Variants in ZNF571 observed in about 807,000 individuals in gnomAD.
ZNF571 encodes zinc finger protein 571.
Under a neutral mutation model 7.7 loss-of-function variants are expected in ZNF571, and 4 were observed. The ratio of observed to expected loss-of-function variants is 0.52; its 90% CI spans 0.25 to 1.18. The LOEUF (loss-of-function observed/expected upper bound fraction) is 1.18. Among genes scored for constraint, ZNF571 ranks in the 50% most tolerant of loss-of-function variants. The pLI is 0.14. For missense variants in ZNF571, 704 were observed against 726.9 expected, an observed-to-expected ratio of 0.97 and a Z score of 0.36; for synonymous variants, 251 against 232.4, an observed-to-expected ratio of 1.08 and a Z score of -0.73.
intron 1 of ZNF571, among the ~76,000 whole-genome samples, chr19:37,592,340 C>T (rs774302043): frequency 6.6e-6 from 1 of 152,258 alleles, no homozygotes. Context: ...AAATTTTTCA[C>T]GGTCATATCC....
intron 3 of ZNF571, among the ~76,000 whole-genome samples, chr19:37,580,928 C>T (rs138305935): frequency 1.3e-5 from 2 of 152,324 alleles, no homozygotes; most frequent in East Asian, 3.9e-4. Context: ...TGAACTAAGA[C>T]ACCTATTACA....
rs374894162 is a variant in ZNF571 at position 37,565,412 on chromosome 19, T to C, written c.1016A>G (p.Glu339Gly). ...HTGEKPYICK[E>G]CGKAFLCASQ... is the part of the protein sequence containing the mutation. Reference sequence around the variant, plus strand: ...GGCACATAAAAAGGCTTTCCCACATTCTTTACATATGTAAGGCTTTTCACC... The same window carrying C: ...GGCACATAAAAAGGCTTTCCCACATCCTTTACATATGTAAGGCTTTTCACC... Residue 339 changes from glutamate (E) to glycine (G), a missense_variant, in exon 4 of 4, where the codon GAA becomes GGA. Physicochemically the swap from Glu to Gly is moderately conservative, Grantham distance 98. Coordinates refer to ENST00000451802, the MANE Select transcript of ZNF571 (RefSeq NM_016536.5). 82 of 1,613,382 alleles carry C rather than the reference T, an allele frequency of 5.1e-5. No homozygotes were observed. Among genetic ancestry groups the C allele is most frequent in the Non-Finnish European group, 7.0e-5 (82 of 1,179,810 alleles).
intron 3 of ZNF571, among the ~76,000 whole-genome samples, chr19:37,573,630 C>G (rs1455798858): frequency 6.8e-6 from 1 of 147,962 alleles, no homozygotes; most frequent in Non-Finnish European, 1.5e-5. Context: ...AGTGCAAGAC[C>G]AGCCTGGGCA....
At chr19:37,585,088 T>C (rs1361307641) in intron 2 of ZNF571, 1 of 152,202 alleles carries the variant, frequency 6.6e-6, no homozygotes, top group Non-Finnish European at 1.5e-5. Context: ...TCCTAGGCTA[T>C]AGCAAGGTAC....
rs2042838740 is a variant in ZNF571 at position 37,565,868 on chromosome 19, C to G, written c.560G>C (p.Arg187Thr). 6.2e-7 allele frequency: 1 copy of G among 1,613,894 alleles called. No individual in the cohort carries two copies. Among genetic ancestry groups the G allele is most frequent in the East Asian group, 2.2e-5 (1 of 44,868 alleles). The stretch of plus-strand genomic sequence containing the variant: ...ATAAGGTTTCTCACCAGTCTGAATT[C>G]TCTGATGTTGAATATAGCTTGGCTT... The part of the protein sequence containing the change: ...SKKPSYIQHQ[R>T]IQTGEKPYEC... Residue 187 changes from arginine (R) to threonine (T), a missense_variant, in exon 4 of 4, where the codon AGA (arginine) becomes ACA (threonine). Physicochemically the swap from Arg to Thr is moderately conservative, Grantham distance 71. Transcript: ENST00000451802.
chr19:37,565,636 T>C lies in ZNF571; in HGVS notation c.792A>G (p.Ser264=), dbSNP rs77449431. 1.5e-3 allele frequency: 2,476 copies of C among 1,613,316 alleles called. 30 individuals are homozygous for C. In the African/African-American group the frequency reaches 0.028, roughly 18 times the overall value. ...KKCGKAFSYC[S]QYTLHQRIHS... is the part of the protein sequence containing the mutation. ...GAATTCTCTGATGAAGAGTATATTG[T>C]GAACAATAACTAAAGGCTTTTCCAC... The change falls in exon 4 of 4, where the codon TCA becomes TCG. Residue 264 remains serine (S), a synonymous_variant. Transcript: ENST00000451802.
At chr19:37,575,817 C>T (rs1230104609) in intron 3 of ZNF571, 1 of 152,142 alleles carries the variant, frequency 6.6e-6, no homozygotes, top group Non-Finnish European at 1.5e-5. Flanking sequence ...TGTAGCTGAG[C>T]TGAAATTGAA....
intron 3 of ZNF571, among the ~76,000 whole-genome samples, chr19:37,581,605 C>T (rs2043468345): frequency 6.6e-6 from 1 of 151,856 alleles, no homozygotes; most frequent in East Asian, 1.9e-4. Flanking sequence ...GCTAGGACCA[C>T]AGGCATGTGA....
rs1280476137 is a variant in ZNF571, at chr19:37,588,044, G to GCA, written c.-69-1300_-69-1299insTG. ...GTACGCGGGAGGTGGAGGTTGCAGT[G>GCA]ACCCAAGATTGCGCCACTGCACTCC... On this transcript the variant is annotated intron_variant, in intron 1 of 3. Transcript: ENST00000451802. 2.7e-4 allele frequency among the ~76,000 whole-genome samples: 33 copies of GCA among 124,284 alleles called. 1 individual carries two copies. The highest frequency in any genetic ancestry group is 7.2e-3 in the Middle Eastern group (1 of 138). The allele number at this position is 124,284 out of a possible 152,430, so 81.5% of individuals were successfully genotyped here. A position where few individuals can be genotyped will look rare whatever the true frequency, so the allele number is the denominator to read the frequency against.
At chr19:37,581,283 T>C (rs546882698) in intron 3 of ZNF571, among the ~76,000 whole-genome samples, 2 of 152,274 alleles carry the variant, frequency 1.3e-5, no homozygotes, top group African/African-American at 4.8e-5. Context: ...TTAATAATGA[T>C]TAGCACAACT....
At chr19:37,577,753 A>G (rs765700509) in intron 3 of ZNF571, among the ~76,000 whole-genome samples, 4 of 152,214 alleles carry the variant, frequency 2.6e-5, no homozygotes, top group Non-Finnish European at 4.4e-5. Context: ...GTAAATTTAA[A>G]TGTAACTCTA....
At chr19:37,593,816 C>A (rs188071175) in intron 1 of ZNF571, among the ~76,000 whole-genome samples, 10 of 152,160 alleles carry the variant, frequency 6.6e-5, no homozygotes, top group Admixed American at 6.5e-4. Context: ...ATGATCCCAT[C>A]CCCGCAGCAT....
At chr19:37,577,774 CAA>C (rs1447262871) in intron 3 of ZNF571, among the ~76,000 whole-genome samples, 1 of 152,190 alleles carries the variant, frequency 6.6e-6, no homozygotes, top group Non-Finnish European at 1.5e-5. Flanking sequence ...GGGGGGCACT[CAA>C]GATGGCTGAC....
chr19:37,591,779 G>C (rs1021328288), intron 1 of ZNF571, among the ~76,000 whole-genome samples: 1 of 152,026 alleles, frequency 6.6e-6, no homozygotes, highest in African/African-American at 2.4e-5. Context: ...CCCGACCTCA[G>C]GTGATTCGCC....
In ZNF571 at chr19:37,565,792, T is replaced by C. The variant is rs766363967; in HGVS notation, c.636A>G (p.Gln212=). The change falls in exon 4 of 4, where the codon CAA becomes CAG. Residue 212 remains glutamine (Q), a synonymous_variant. Transcript: ENST00000451802. ...TTTCATTAGTATGAATTTTCTGATG[T>C]TGAATGAGATCAGAAGTACGACCAA... ...KAFGRTSDLI[Q]HQKIHTNEKP... is the part of the protein sequence containing the mutation. 4.3e-6 allele frequency: 7 copies of C among 1,613,368 alleles called. No individual in the cohort carries two copies. The highest frequency in any genetic ancestry group is 2.2e-5 in the East Asian group (1 of 44,802).
chr19:37,582,596 AC>A (rs1433624986), intron 3 of ZNF571, among the ~76,000 whole-genome samples: 1 of 151,982 alleles, frequency 6.6e-6, no homozygotes, highest in Non-Finnish European at 1.5e-5. Context: ...TATCCCCTCC[AC>A]CCACAGGCTT....
At position 37,584,105 on chromosome 19, in the gene ZNF571, A is replaced by C. The variant is rs200986815; in HGVS notation, c.10-8T>G. ...CCTGAAAGTCACCAACAACTGAAAC[A>C]ACAAATCCATTACAGGATGATTCTA... On this transcript the variant is annotated splice_region_variant and splice_polypyrimidine_tract_variant and intron_variant, in intron 2 of 3. Transcript: ENST00000451802. 1.9e-6 allele frequency: 3 copies of C among 1,614,066 alleles called. No homozygotes were observed. The highest frequency in any genetic ancestry group is 1.7e-4 in the Middle Eastern group (1 of 6,060).
intron 1 of ZNF571, chr19:37,587,466 A>C (rs2043714487): frequency 6.6e-6 from 1 of 152,304 alleles, no homozygotes; most frequent in Admixed American, 6.5e-5. Flanking sequence ...ACGGAGGGTC[A>C]AACAGGAGCA....
chr19:37,565,546 A>T lies in ZNF571; in HGVS notation c.882T>A (p.Leu294=), dbSNP rs760359833. 4.3e-6 allele frequency: 7 copies of T among 1,613,748 alleles called. No homozygotes were observed. The Middle Eastern group carries it at 5.0e-4, about 115-fold the overall frequency. The change falls in exon 4 of 4, where the codon CTT becomes CTA. Residue 294 remains leucine (L), a synonymous_variant. Transcript: ENST00000451802. ...CGKAFILGSQ[L]TYHQRIHSGE... ...CACTATGAATTCTCTGATGGTAAGT[A>T]AGTTGAGAGCCAAGAATAAAGGCCT...
Sources: gnomAD v4.1 joint callset for allele counts (sites outside exome capture counted in the v4.1 genomes callset) on GRCh38, gnomAD v4.1.1 for gene constraint, MANE v1.5 for transcripts, NCBI Gene and HGNC (gene_info 2026-07-23, HGNC 2026-07-21) for gene names.